ADISSP: variants seen among roughly 807,000 people sequenced by gnomAD.
The protein encoded by ADISSP is adipose secreted signaling protein.
chr20:3,759,435 C>T, the ADISSP span, among the ~76,000 whole-genome samples: 1 of 152,122 alleles, frequency 6.6e-6, no homozygotes, highest in Non-Finnish European at 1.5e-5. This position sits in a 1 kb window ranked among gnomAD's most constrained non-coding sequence, Gnocchi z 4.6. Flanking sequence ...GGGAGCCGAG[C>T]TGAAGGCCTG....
chr20:3,765,704 G>A, the ADISSP span, among the ~76,000 whole-genome samples: 1 of 152,116 alleles, frequency 6.6e-6, no homozygotes, highest in African/African-American at 2.4e-5. Flanking sequence ...AGGGGTGAGG[G>A]GGCCTCCCTC....
chr20:3,760,329 G>A, the ADISSP span: 33 of 527,020 alleles, frequency 6.3e-5, no homozygotes, highest in Middle Eastern at 5.1e-4. Flanking sequence ...TCTCTAGCAC[G>A]GGGGCTTCTG....
the ADISSP span, among the ~76,000 whole-genome samples, chr20:3,764,768 C>G: frequency 6.6e-6 from 1 of 152,246 alleles, no homozygotes; most frequent in Non-Finnish European, 1.5e-5. Flanking sequence ...GAGGGCCTGG[C>G]CAAGGCCCGT....
the ADISSP span, among the ~76,000 whole-genome samples, chr20:3,764,145 C>A: frequency 6.6e-6 from 1 of 152,192 alleles, no homozygotes; most frequent in Non-Finnish European, 1.5e-5. Context: ...CCCCCGACTA[C>A]AGCTGCCCCC....
chr20:3,760,614 T>G, the ADISSP span, among the ~76,000 whole-genome samples: 1 of 152,190 alleles, frequency 6.6e-6, no homozygotes, highest in Non-Finnish European at 1.5e-5. Context: ...GCAATGCAGC[T>G]GGGTGCGGTC....
At chr20:3,755,661 GC>G in the ADISSP span, 1 of 1,532,092 alleles carries the variant, frequency 6.5e-7, no homozygotes, top group Non-Finnish European at 8.9e-7. Context: ...CTTCCCGCAG[GC>G]CCACCCAGTT....
At chr20:3,764,878 G>A in the ADISSP span, among the ~76,000 whole-genome samples, 139 of 152,304 alleles carry the variant, frequency 9.1e-4, no homozygotes, top group African/African-American at 3.2e-3. Context: ...CCCTGCCCTG[G>A]GGGGCACTTC....
At chr20:3,754,014 G>C in the ADISSP span, 6 of 1,424,108 alleles carry the variant, frequency 4.2e-6, no homozygotes, top group South Asian at 1.2e-5. Context: ...GGGACAAGGC[G>C]GGGTTTAAGG....
the ADISSP span, chr20:3,754,597 C>G: frequency 6.8e-7 from 1 of 1,475,894 alleles, no homozygotes; most frequent in Non-Finnish European, 9.4e-7. Context: ...CGGGCCCCTA[C>G]CCACCACCAT....
At chr20:3,761,769 C>CCCAAAGTCACAG in the ADISSP span, among the ~76,000 whole-genome samples, 1 of 152,168 alleles carries the variant, frequency 6.6e-6, no homozygotes. Context: ...AGTAAGGCAG[C>CCCAAAGTCACAG]CCAAAGTCAC....
At chr20:3,754,232 C>T in the ADISSP span, 3 of 1,505,704 alleles carry the variant, frequency 2.0e-6, no homozygotes, top group South Asian at 3.4e-5. Flanking sequence ...GGGGACCCCT[C>T]CCCTTCCCTC....
chr20:3,765,188 A>G, the ADISSP span, among the ~76,000 whole-genome samples: 33 of 152,332 alleles, frequency 2.2e-4, no homozygotes, highest in African/African-American at 7.5e-4. Context: ...TCGGGGAGCT[A>G]GACTCTTGTG....
the ADISSP span, among the ~76,000 whole-genome samples, chr20:3,766,542 C>G: frequency 1.3e-5 from 2 of 152,184 alleles, no homozygotes; most frequent in African/African-American, 4.8e-5. Context: ...CCAGCATTCT[C>G]CCCACTTTGC....
At chr20:3,757,840 C>T in the ADISSP span, among the ~76,000 whole-genome samples, 1 of 151,942 alleles carries the variant, frequency 6.6e-6, no homozygotes, top group African/African-American at 2.4e-5. Flanking sequence ...ATTGGCCAGG[C>T]TAAACCTGGG....
chr20:3,754,038 G>C, the ADISSP span: 8 of 1,585,266 alleles, frequency 5.0e-6, no homozygotes, highest in Non-Finnish European at 6.9e-6. Flanking sequence ...AGGGGCCCGG[G>C]GCAGGCGGGG....
the ADISSP span, among the ~76,000 whole-genome samples, chr20:3,764,619 T>C: frequency 1.3e-5 from 2 of 152,218 alleles, no homozygotes; most frequent in African/African-American, 4.8e-5. Flanking sequence ...TCATTTGATA[T>C]CCCTCTTCCT....
chr20:3,754,558 A>G, the ADISSP span: 1 of 1,600,012 alleles, frequency 6.2e-7, no homozygotes, highest in Non-Finnish European at 8.6e-7. Context: ...CACCTCCCCC[A>G]GCCTCCCCGA....
chr20:3,757,707 C>G, the ADISSP span, among the ~76,000 whole-genome samples: 3 of 152,178 alleles, frequency 2.0e-5, no homozygotes, highest in African/African-American at 7.2e-5. Context: ...CAGCTCACTG[C>G]AACCTCAGCC....
At chr20:3,754,052 C>T in the ADISSP span, 119 of 1,607,982 alleles carry the variant, frequency 7.4e-5, no homozygotes, top group Non-Finnish European at 9.4e-5. Context: ...GGCGGGGCCT[C>T]GGGCCTCAGT....
Sources: gnomAD v4.1 joint callset for allele counts (sites outside exome capture counted in the v4.1 genomes callset) on GRCh38, gnomAD v4.1.1 for gene constraint, Gnocchi (gnomAD v3.1) non-coding constraint, MANE v1.5 for transcripts, NCBI Gene and HGNC (gene_info 2026-07-23, HGNC 2026-07-21) for gene names.